The following ZNF317 variants were observed in gnomAD, a reference collection of about 807,000 sequenced individuals.
The protein encoded by ZNF317 is KRAB-containing zinc finger protein 317.
In ZNF317, 17 loss-of-function variants were observed where a neutral mutation model predicts 23.4. That is an observed-to-expected ratio of 0.73 (90% CI 0.50 to 1.09). The LOEUF (loss-of-function observed/expected upper bound fraction) is 1.09, where lower values mean the gene tolerates loss of function less well. Ranked by LOEUF, ZNF317 falls within the 50% of genes least tolerant of loss-of-function variation. The pLI, the probability that ZNF317 is intolerant of heterozygous loss-of-function variation, is 0.00. For missense variants in ZNF317, 679 were observed against 796.7 expected (o/e 0.85, Z 1.78); for synonymous variants, 317 against 314.9 (o/e 1.01, Z -0.07).
At position 9,161,340 on chromosome 19, in the gene ZNF317, A is replaced by G; in HGVS notation, c.1695A>G (p.Lys565=). 1 of 1,614,208 alleles carries G rather than the reference A, an allele frequency of 6.2e-7. No homozygotes were observed. The change falls in exon 7 of 7, where the codon AAA becomes AAG. Residue 565 remains lysine (K), a synonymous_variant. Coordinates refer to ENST00000247956, the MANE Select transcript of ZNF317 (RefSeq NM_020933.5). The surrounding 1 kb of genome is among the most constrained non-coding windows in gnomAD (Gnocchi z 4.0). ...CCTACGAATGCCTTGTCTGCGGGAA[A>G]GCCTTCAGCGACCACTCATCCCTCA... ...EKPYECLVCG[K]AFSDHSSLRS...
intron 6 of ZNF317, among the ~76,000 whole-genome samples, 154 bp downstream of exon 6, chr19:9,159,062 A>T (rs1026618135): frequency 8.5e-5 from 13 of 152,170 alleles, no homozygotes; most frequent in African/African-American, 3.1e-4. Flanking sequence ...GATGGAGACA[A>T]CCCTAAAGCT....
At chr19:9,141,043 C>A (rs2145934669) in intron 1 of ZNF317, among the ~76,000 whole-genome samples, 1 of 151,876 alleles carries the variant, frequency 6.6e-6, no homozygotes, top group East Asian at 1.9e-4. Flanking sequence ...TTAAGACCTT[C>A]TGGTTGCACT....
intron 1 of ZNF317, among the ~76,000 whole-genome samples, chr19:9,149,651 C>T (rs1717007602): frequency 6.6e-6 from 1 of 151,940 alleles, no homozygotes; most frequent in Non-Finnish European, 1.5e-5. Flanking sequence ...TGATGCACAG[C>T]AGTGAGGCTT....
In ZNF317 at chr19:9,160,122, C is replaced by T. The variant is rs145438899; in HGVS notation, c.477C>T (p.Ala159=). The T allele has an allele frequency of 7.6e-4, 1,220 of 1,613,794 alleles. No individual in the cohort carries two copies. Among genetic ancestry groups the T allele is most frequent in the Non-Finnish European group, 9.7e-4 (1,140 of 1,179,732 alleles). Residue 159 remains alanine (A), a synonymous_variant, in exon 7 of 7, where the codon GCC becomes GCT. Coordinates refer to ENST00000247956, the MANE Select transcript of ZNF317 (RefSeq NM_020933.5). This position sits in a 1 kb window ranked among gnomAD's most constrained non-coding sequence, Gnocchi z 6.8. ...TACGTCTTAACCAACAGGAAAGAGC[C>T]GGTCTTGGAGAGAAGTCCACTGAAT... The part of the protein sequence containing the change: ...ETPSGVTMER[A]GLGEKSTEYA...
At position 9,159,875 on chromosome 19, in the gene ZNF317, G is replaced by T. The variant is rs143414124; in HGVS notation, c.469-239G>T. Reference sequence around the variant, plus strand: ...ATTCAGTTTTAAGCAGTGAAGAAATGCTATATGCAAAAAGCTTTGAAAAAG... The same window carrying T: ...ATTCAGTTTTAAGCAGTGAAGAAATTCTATATGCAAAAAGCTTTGAAAAAG... On this transcript the variant is annotated intron_variant, in intron 6 of 6. Coordinates refer to ENST00000247956, the MANE Select transcript of ZNF317 (RefSeq NM_020933.5). 2.1e-3 allele frequency among the ~76,000 whole-genome samples: 323 copies of T among 152,330 alleles called. 2 individuals are homozygous for T. The highest frequency in any genetic ancestry group is 0.015 in the Admixed American group (226 of 15,300).
chr19:9,151,755 T>C (rs543173293), intron 1 of ZNF317, among the ~76,000 whole-genome samples: 1 of 152,320 alleles, frequency 6.6e-6, no homozygotes, highest in South Asian at 2.1e-4. Flanking sequence ...TTGTCTTTGT[T>C]GTTGAGTTTA....
At position 9,160,984 on chromosome 19, in the gene ZNF317, G is replaced by A; in HGVS notation, c.1339G>A (p.Gly447Arg). ...CTCTCACACTGGAGAGAAACCATAC[G>A]GGTGCGATCTCTGCGGGAAAGCTTT... ...MNSHTGEKPYGCDLCGKAFSA... is the reference protein window; with the variant it reads ...MNSHTGEKPYRCDLCGKAFSA... Residue 447 changes from glycine (G) to arginine (R), a missense_variant, in exon 7 of 7, where the codon GGG becomes AGG. Physicochemically the swap from Gly to Arg is moderately radical, Grantham distance 125. Transcript: ENST00000247956. This position sits in a 1 kb window ranked among gnomAD's most constrained non-coding sequence, Gnocchi z 6.8. 6.2e-7 allele frequency: 1 copy of A among 1,614,150 alleles called. No homozygotes were observed. The highest frequency in any genetic ancestry group is 1.1e-5 in the South Asian group (1 of 91,082).
At position 9,140,458 on chromosome 19, in the gene ZNF317, G is replaced by A. The variant is rs755637049; in HGVS notation, c.-227G>A. On this transcript the variant is annotated 5_prime_UTR_variant, in exon 1 of 7. Transcript: ENST00000247956. The stretch of plus-strand genomic sequence containing the variant: ...CCCCGAGACACATGGGCCAAGGAGG[G>A]GTCAGCGGCGAATTCTTTCGGCCTG... 2 of 455,896 alleles carry A rather than the reference G, an allele frequency of 4.4e-6. No homozygotes were observed. Among genetic ancestry groups the A allele is most frequent in the South Asian group, 1.6e-5 (1 of 64,410 alleles). 28.2% of individuals were successfully genotyped at this position (455,896 alleles called of 1,614,324 possible).
In ZNF317 at chr19:9,161,262, C is replaced by CAGCATAGGCTCCAACCTGA. The variant is rs1295364413; in HGVS notation, c.1619_1637dup (p.Asn546LysfsTer77). ...AATGCGATCACTGTGGGAAGGCCTT[C>CAGCATAGGCTCCAACCTGA]AGCATAGGCTCCAACCTGAATGTGC... On this transcript the variant is annotated frameshift_variant, in exon 7 of 7. Coordinates refer to ENST00000247956, the MANE Select transcript of ZNF317 (RefSeq NM_020933.5). LOFTEE classifies it low-confidence loss of function (END_TRUNC). The surrounding 1 kb of genome is among the most constrained non-coding windows in gnomAD (Gnocchi z 4.0). 1 of 1,613,896 alleles carries CAGCATAGGCTCCAACCTGA rather than the reference C, an allele frequency of 6.2e-7. No homozygotes were observed. Among genetic ancestry groups the CAGCATAGGCTCCAACCTGA allele is most frequent in the South Asian group, 1.1e-5 (1 of 91,068 alleles).
intron 1 of ZNF317, among the ~76,000 whole-genome samples, chr19:9,146,364 A>G (rs2050683039): frequency 6.6e-6 from 1 of 150,510 alleles, no homozygotes; most frequent in Non-Finnish European, 1.5e-5. Flanking sequence ...TGTTCTCACA[A>G]CCTTTGTTGC....
At chr19:9,149,907 C>T (rs901076806) in intron 1 of ZNF317, among the ~76,000 whole-genome samples, 1 of 152,150 alleles carries the variant, frequency 6.6e-6, no homozygotes. Context: ...TATGCCAAGG[C>T]AGTAGCAGTG....
Position 9,161,776 on chromosome 19 carries a change from C to T in ZNF317, c.*343C>T, listed in dbSNP as rs1329589855. The T allele has an allele frequency of 1.6e-5, 4 of 252,226 alleles. No homozygotes were observed. The highest frequency in any genetic ancestry group is 5.0e-5 in the Admixed American group (1 of 20,008). The allele number at this position is 252,226 out of a possible 1,614,324, so 15.6% of individuals were successfully genotyped here. Reference sequence around the variant, plus strand: ...CAAAATGACTTCAGACCACTTCTAGCCTTCTGGGCCCATGAGTAATAATGA... The same window carrying T: ...CAAAATGACTTCAGACCACTTCTAGTCTTCTGGGCCCATGAGTAATAATGA... On this transcript the variant is annotated 3_prime_UTR_variant, in exon 7 of 7. Coordinates refer to ENST00000247956, the MANE Select transcript of ZNF317 (RefSeq NM_020933.5). The surrounding 1 kb of genome is among the most constrained non-coding windows in gnomAD (Gnocchi z 4.0).
intron 1 of ZNF317, among the ~76,000 whole-genome samples, chr19:9,150,377 G>GA (rs2050725948): frequency 6.6e-6 from 1 of 152,218 alleles, no homozygotes; most frequent in Non-Finnish European, 1.5e-5. Context: ...TCAGTTTCCA[G>GA]ATGAGAAAAC....
At position 9,144,059 on chromosome 19, in the gene ZNF317, A is replaced by G. The variant is rs10416321; in HGVS notation, c.-93+3467A>G. On this transcript the variant is annotated intron_variant, in intron 1 of 6. Coordinates refer to ENST00000247956, the MANE Select transcript of ZNF317 (RefSeq NM_020933.5). Reference sequence around the variant, plus strand: ...CTCTTTTTGCCCAGGCTGGAGTGCAATGGCGCGATCTTGGCTCACTGCAAC... The same window carrying G: ...CTCTTTTTGCCCAGGCTGGAGTGCAGTGGCGCGATCTTGGCTCACTGCAAC... Among the ~76,000 whole-genome samples the G allele has an allele frequency of 6.2e-3, 925 of 148,808 alleles. 12 individuals carry two copies. The highest frequency in any genetic ancestry group is 0.022 in the African/African-American group (898 of 40,336).
chr19:9,140,880 T>G (rs1269459430), intron 1 of ZNF317, among the ~76,000 whole-genome samples: 1 of 151,906 alleles, frequency 6.6e-6, no homozygotes, highest in Admixed American at 6.6e-5. Context: ...TTCAAGAGTT[T>G]GGGGGCAGTT....
At position 9,161,529 on chromosome 19, in the gene ZNF317, A is replaced by G. The variant is rs2050857339; in HGVS notation, c.*96A>G. ...TGTGAGCTCGCACCTTACTGGGTGC[A>G]AAAGAATCCACGGAACTTGGGAGAA... On this transcript the variant is annotated 3_prime_UTR_variant, in exon 7 of 7. Coordinates refer to ENST00000247956, the MANE Select transcript of ZNF317 (RefSeq NM_020933.5). This position sits in a 1 kb window ranked among gnomAD's most constrained non-coding sequence, Gnocchi z 4.0. 1.3e-6 allele frequency: 2 copies of G among 1,489,366 alleles called. No homozygotes were observed. The highest frequency in any genetic ancestry group is 2.3e-5 in the East Asian group (1 of 43,852). 92.3% of individuals were successfully genotyped at this position (1,489,366 alleles called of 1,614,324 possible).
intron 2 of ZNF317, among the ~76,000 whole-genome samples, chr19:9,156,382 C>T (rs1339706423): frequency 6.6e-6 from 1 of 152,146 alleles, no homozygotes; most frequent in Non-Finnish European, 1.5e-5. Flanking sequence ...GGAACTATGT[C>T]ACTTCTTATG....
chr19:9,155,280 C>T (rs1361342732), intron 1 of ZNF317, among the ~76,000 whole-genome samples: 1 of 152,066 alleles, frequency 6.6e-6, no homozygotes, highest in African/African-American at 2.4e-5. Context: ...CAGCTGTTCT[C>T]TATGAATTTT....
At chr19:9,154,676 G>C (rs1248627317) in intron 1 of ZNF317, among the ~76,000 whole-genome samples, 1 of 152,168 alleles carries the variant, frequency 6.6e-6, no homozygotes, top group Non-Finnish European at 1.5e-5. Context: ...GACTACTACA[G>C]ACATTTTTGT....
Sources: gnomAD v4.1 joint callset for allele counts (sites outside exome capture counted in the v4.1 genomes callset) on GRCh38, gnomAD v4.1.1 for gene constraint, Gnocchi (gnomAD v3.1) non-coding constraint, MANE v1.5 for transcripts, NCBI Gene and HGNC (gene_info 2026-07-23, HGNC 2026-07-21) for gene names.